Variants in PALS2 observed in about 807,000 individuals in gnomAD.
PALS2 encodes the protein protein PALS2.
A neutral mutation model predicts 61.6 loss-of-function variants in PALS2; 27 were observed. The observed-to-expected ratio is 0.44, with a 90% CI of 0.32 to 0.60. The LOEUF (loss-of-function observed/expected upper bound fraction) is 0.60, where lower values mean the gene tolerates loss of function less well. Ranked by LOEUF, PALS2 falls within the 20% of genes least tolerant of loss-of-function variation. The pLI, the probability that PALS2 is intolerant of heterozygous loss-of-function variation, is 0.05. For missense variants in PALS2, 554 were observed against 639.4 expected, an observed-to-expected ratio of 0.87 and a Z score of 1.44; for synonymous variants, 236 against 218.6, an observed-to-expected ratio of 1.08 and a Z score of -0.70.
chr7:24,690,817 T>C lies in PALS2; in HGVS notation c.*3203T>C, dbSNP rs886560143. On this transcript the variant is annotated 3_prime_UTR_variant, in exon 12 of 12. Transcript: ENST00000222644. Reference sequence around the variant, plus strand: ...ACATAGCTTTCTGAAATAGAAATTATAAGAGAAACCCAGTATGCCTACAGC... The same window carrying C: ...ACATAGCTTTCTGAAATAGAAATTACAAGAGAAACCCAGTATGCCTACAGC... 6.6e-6 allele frequency: 1 copy of C among 152,328 alleles called. No individual in the cohort carries two copies. Among genetic ancestry groups the C allele is most frequent in the East Asian group, 1.9e-4 (1 of 5,184 alleles). The allele number at this position is 152,328 out of a possible 1,614,324, so 9.4% of individuals were successfully genotyped here.
chr7:24,641,574 T>C, intron 2 of PALS2, 142 bp from the exon 3 acceptor site: 1 of 653,414 alleles, frequency 1.5e-6, no homozygotes, highest in Non-Finnish European at 2.5e-6. Context: ...ATATATTGCC[T>C]CTGGTTGAAG....
At chr7:24,610,405 G>T (rs1207658110) in intron 1 of PALS2, among the ~76,000 whole-genome samples, 1 of 152,002 alleles carries the variant, frequency 6.6e-6, no homozygotes, top group African/African-American at 2.4e-5. Context: ...AGTTTTTGGG[G>T]AACAGATGGT....
chr7:24,686,640 T>C (rs771801916), intron 11 of PALS2, among the ~76,000 whole-genome samples: 9 of 152,250 alleles, frequency 5.9e-5, no homozygotes, highest in African/African-American at 1.2e-4. Context: ...GTATTTCTTA[T>C]GTTTATTTCC....
intron 1 of PALS2, among the ~76,000 whole-genome samples, chr7:24,598,883 C>G (rs950858252): frequency 6.6e-6 from 1 of 152,160 alleles, no homozygotes; most frequent in East Asian, 1.9e-4. Flanking sequence ...TTGTTTCCAA[C>G]TTATTTTTAC....
chr7:24,580,559 T>G (rs1782802967), intron 1 of PALS2, among the ~76,000 whole-genome samples: 1 of 152,342 alleles, frequency 6.6e-6, no homozygotes, highest in African/African-American at 2.4e-5. Context: ...GCCTTCTTGT[T>G]TCTTTTCTAC....
At chr7:24,575,960 A>G (rs1782628374) in intron 1 of PALS2, among the ~76,000 whole-genome samples, 1 of 148,266 alleles carries the variant, frequency 6.7e-6, no homozygotes, top group African/African-American at 2.5e-5. Context: ...GAGTGACTAG[A>G]TTTTTTTTTT....
At chr7:24,646,412 T>C (rs938624532) in intron 3 of PALS2, among the ~76,000 whole-genome samples, 1 of 152,200 alleles carries the variant, frequency 6.6e-6, no homozygotes, top group African/African-American at 2.4e-5. Context: ...GAGGTAATTA[T>C]GTAGTTTTTG....
intron 7 of PALS2, 78 bp from the exon 8 acceptor site, chr7:24,665,943 C>A (rs1184550823): frequency 3.0e-6 from 4 of 1,342,484 alleles, no homozygotes; most frequent in Non-Finnish European, 1.0e-6. Flanking sequence ...AATTCTCCCA[C>A]CCCTGTAAAA....
rs770757917 is a variant in PALS2 at position 24,689,921 on chromosome 7, A to G, written c.*2307A>G. On this transcript the variant is annotated 3_prime_UTR_variant, in exon 12 of 12. Transcript: ENST00000222644. ...TAAACAGCTTTGGGATAATTATAGC[A>G]GCACAAGAAGTTTATCTGCAAAATA... 1 of 152,258 alleles carries G rather than the reference A, an allele frequency of 6.6e-6. No individual in the cohort carries two copies. The highest frequency in any genetic ancestry group is 2.4e-5 in the African/African-American group (1 of 41,468). The allele number at this position is 152,258 out of a possible 1,614,324, so 9.4% of individuals were successfully genotyped here. A position where few individuals can be genotyped will look rare whatever the true frequency, so the allele number is the denominator to read the frequency against.
At chr7:24,682,527 T>A (rs1787988695) in intron 11 of PALS2, among the ~76,000 whole-genome samples, 1 of 152,202 alleles carries the variant, frequency 6.6e-6, no homozygotes, top group African/African-American at 2.4e-5. Context: ...CCAGAAACTC[T>A]TTCAAGCCAG....
intron 1 of PALS2, among the ~76,000 whole-genome samples, chr7:24,595,552 ATATT>A (rs908695134): frequency 1.5e-5 from 2 of 136,052 alleles, no homozygotes; most frequent in African/African-American, 5.5e-5. Context: ...ATATAAATAT[ATATT>A]AACTATATAT....
intron 9 of PALS2, among the ~76,000 whole-genome samples, chr7:24,677,906 A>G (rs546237135): frequency 6.6e-6 from 1 of 152,190 alleles, no homozygotes; most frequent in African/African-American, 2.4e-5. Flanking sequence ...ATTTTTGAGC[A>G]TGAGTTTGAA....
At chr7:24,660,268 A>AC (rs397822549) in intron 5 of PALS2, among the ~76,000 whole-genome samples, 2 of 44,602 alleles carry the variant, frequency 4.5e-5, no homozygotes, top group African/African-American at 1.7e-3. Context: ...CAAAAAATGT[A>AC]ATATGTATTC....
At chr7:24,617,614 C>T (rs1784338698) in intron 1 of PALS2, among the ~76,000 whole-genome samples, 2 of 152,132 alleles carry the variant, frequency 1.3e-5, no homozygotes, top group Admixed American at 6.6e-5. Context: ...TTTGCAGATT[C>T]TTCAGCAGTA....
At chr7:24,685,403 C>T (rs1223211459) in intron 11 of PALS2, among the ~76,000 whole-genome samples, 1 of 152,220 alleles carries the variant, frequency 6.6e-6, no homozygotes, top group East Asian at 1.9e-4. Flanking sequence ...GCCCTCTCCA[C>T]TTTGTTTCCT....
chr7:24,649,771 A>G lies in PALS2; in HGVS notation c.423+7A>G, dbSNP rs1253962585. The G allele has an allele frequency of 6.3e-7, 1 of 1,593,550 alleles. No individual in the cohort carries two copies. The highest frequency in any genetic ancestry group is 1.4e-5 in the African/African-American group (1 of 73,954). ...AAGAGCTGGGGAACCACTGGTGAGT[A>G]CAGATAAATCAGTACCCTATTAAAT... On this transcript the variant is annotated splice_region_variant and intron_variant, in intron 4 of 11. Coordinates refer to ENST00000222644, the MANE Select transcript of PALS2 (RefSeq NM_001303037.2).
At chr7:24,665,894 C>A in intron 7 of PALS2, 127 bp from the exon 8 acceptor site, 2 of 1,023,294 alleles carry the variant, frequency 2.0e-6, no homozygotes, top group East Asian at 2.4e-5. Context: ...AACTCACCTC[C>A]ACCCTCTTTT....
intron 2 of PALS2, among the ~76,000 whole-genome samples, chr7:24,640,531 A>T (rs878980274): frequency 6.6e-6 from 1 of 152,152 alleles, no homozygotes; most frequent in Admixed American, 6.5e-5. Context: ...AAAATATAAG[A>T]TTTGCTATCT....
At chr7:24,680,043 A>ATTCATT (rs935192827) in intron 10 of PALS2, among the ~76,000 whole-genome samples, 3 of 152,184 alleles carry the variant, frequency 2.0e-5, no homozygotes, top group Admixed American at 1.3e-4. Flanking sequence ...ATGAATATAT[A>ATTCATT]TTCATTTAAC....
Sources: gnomAD v4.1 joint callset for allele counts (sites outside exome capture counted in the v4.1 genomes callset) on GRCh38, gnomAD v4.1.1 for gene constraint, MANE v1.5 for transcripts, NCBI Gene and HGNC (gene_info 2026-07-23, HGNC 2026-07-21) for gene names.